The following STXBP2 variants were observed in gnomAD, a reference collection of about 807,000 sequenced individuals.
STXBP2 encodes syntaxin binding protein 2, also known as syntaxin-binding protein 2.
A neutral mutation model predicts 72.2 loss-of-function variants in STXBP2; 47 were observed. The ratio of observed to expected loss-of-function variants is 0.65; its 90% CI spans 0.51 to 0.83. STXBP2 has a LOEUF of 0.83. STXBP2 is among the 40% of genes least tolerant of loss of function. The pLI is 0.00. For missense variants in STXBP2, 702 were observed against 807.6 expected (o/e 0.87, Z 1.58); for synonymous variants, 367 against 338.7 (o/e 1.08, Z -0.92).
chr19:7,636,988 A>G, upstream of STXBP2: 4 of 683,708 alleles, frequency 5.9e-6, no homozygotes, highest in African/African-American at 1.9e-5. Context: ...CCCGCCAGGG[A>G]CTCAACTTCC....
chr19:7,645,178 G>A lies in STXBP2; in HGVS notation c.1247-19G>A, dbSNP rs2032082947. The A allele has an allele frequency of 6.4e-7, 1 of 1,553,002 alleles. No homozygotes were observed. Among genetic ancestry groups the A allele is most frequent in the South Asian group, 1.2e-5 (1 of 84,280 alleles). ...CTCACCTGGCCGCCGCCTCCACCCT[G>A]CCCATTCCCGTCCCCCAGGTGTGAG... is the stretch of plus-strand genomic sequence containing the variant. On this transcript the variant is annotated intron_variant, in intron 14 of 18. Coordinates refer to ENST00000221283, the MANE Select transcript of STXBP2 (RefSeq NM_006949.4).
Position 7,641,241 on chromosome 19 carries a change from G to GCA in STXBP2, c.429+240_429+241dup, listed in dbSNP as rs542656573. 63 of 578,524 alleles carry GCA rather than the reference G, an allele frequency of 1.1e-4. No homozygotes were observed. The South Asian group carries it at 1.1e-3, about 10-fold the overall frequency. 35.8% of individuals were successfully genotyped at this position (578,524 alleles called of 1,614,324 possible). On this transcript the variant is annotated intron_variant, in intron 6 of 18. Transcript: ENST00000221283. ...AGAAATTAGCTTGGCGTGGTGGCGT[G>GCA]CACCTGTAGTCCTAGCTACTCATGG... is the stretch of plus-strand genomic sequence containing the variant.
chr19:7,638,672 C>T (rs2031664054), intron 1 of STXBP2, 54 bp from the exon 2 acceptor site: 1 of 1,593,186 alleles, frequency 6.3e-7, no homozygotes, highest in African/African-American at 1.3e-5. Flanking sequence ...AGGCTTGGGG[C>T]AGTGGTGGGA....
At chr19:7,640,444 G>A (rs2031805692) in intron 4 of STXBP2, 6 of 653,934 alleles carry the variant, frequency 9.2e-6, no homozygotes, top group South Asian at 1.6e-5. Flanking sequence ...GTGTGTGCAT[G>A]TGTGTATGTA....
chr19:7,637,089 G>A (rs1388612525), upstream of STXBP2: 6 of 1,233,602 alleles, frequency 4.9e-6, no homozygotes, highest in African/African-American at 4.7e-5. Context: ...TGGGTGACGC[G>A]CGGGGCCACG....
In STXBP2 at chr19:7,642,956, C is replaced by T. The variant is rs946483426; in HGVS notation, c.961-27C>T. On this transcript the variant is annotated intron_variant, in intron 11 of 18. Transcript: ENST00000221283. The surrounding 1 kb of genome is among the most constrained non-coding windows in gnomAD (Gnocchi z 6.0). ...CACTGCCTGGCTTCGCCCCCCAATC[C>T]CTACCCTCTTCCCCCTACTTCCCCA... is the stretch of plus-strand genomic sequence containing the variant. 6.8e-6 allele frequency: 11 copies of T among 1,614,094 alleles called. No individual in the cohort carries two copies. The highest frequency in any genetic ancestry group is 3.3e-5 in the Admixed American group (2 of 60,028).
chr19:7,645,693 CAT>C, intron 15 of STXBP2, among the ~76,000 whole-genome samples: 1 of 152,040 alleles, frequency 6.6e-6, no homozygotes, highest in Admixed American at 6.5e-5. Context: ...CACACACAGC[CAT>C]GTGTGTGCTT....
the STXBP2 span, chr19:7,631,285 C>A: frequency 7.1e-7 from 1 of 1,413,252 alleles, no homozygotes; most frequent in Non-Finnish European, 9.2e-7. Context: ...ATTGCCTTCT[C>A]CTGGAAGAGT....
the STXBP2 span, chr19:7,630,565 C>A: frequency 6.5e-7 from 1 of 1,535,208 alleles, no homozygotes; most frequent in Non-Finnish European, 8.7e-7. Flanking sequence ...CACCCTCTGC[C>A]ATTCCAGATG....
the STXBP2 span, chr19:7,630,767 G>A: frequency 6.5e-7 from 1 of 1,536,832 alleles, no homozygotes; most frequent in South Asian, 1.2e-5. Flanking sequence ...ACCCTGCCCT[G>A]ATGTGGGGCT....
chr19:7,645,341 G>A, intron 15 of STXBP2, 35 bp downstream of exon 15: 1 of 1,544,872 alleles, frequency 6.5e-7, no homozygotes, highest in African/African-American at 1.4e-5. Flanking sequence ...GACCCTGGGA[G>A]AGGGTGCGGA....
In STXBP2 at chr19:7,642,680, C is replaced by T. The variant is rs2031942463; in HGVS notation, c.903-86C>T. On this transcript the variant is annotated intron_variant, in intron 10 of 18. Transcript: ENST00000221283. The surrounding 1 kb of genome is among the most constrained non-coding windows in gnomAD (Gnocchi z 6.0). Reference sequence around the variant, plus strand: ...CAGACTGGCCTCCAATTTCACCCCACCTCTCCCTGTCCCCCCTGAGTGGGC... The same window carrying T: ...CAGACTGGCCTCCAATTTCACCCCATCTCTCCCTGTCCCCCCTGAGTGGGC... The T allele has an allele frequency of 2.0e-6, 3 of 1,490,864 alleles. No individual in the cohort carries two copies. Among genetic ancestry groups the T allele is most frequent in the Non-Finnish European group, 2.8e-6 (3 of 1,075,302 alleles). 92.4% of individuals were successfully genotyped at this position (1,490,864 alleles called of 1,614,324 possible). A position where few individuals can be genotyped will look rare whatever the true frequency, so the allele number is the denominator to read the frequency against.
intron 15 of STXBP2, 120 bp from the exon 16 acceptor site, chr19:7,646,129 G>A: frequency 1.3e-6 from 1 of 752,654 alleles, no homozygotes; most frequent in Non-Finnish European, 2.3e-6. Flanking sequence ...CTCGCTCTCT[G>A]TTCCACTTCC....
chr19:7,647,696 A>G (rs1223601770), intron 18 of STXBP2, 29 bp from the exon 19 acceptor site: 2 of 1,612,704 alleles, frequency 1.2e-6, no homozygotes, highest in Non-Finnish European at 1.7e-6. Context: ...GCCCCCCAAC[A>G]TCTTCCCCAA....
At position 7,647,199 on chromosome 19, in the gene STXBP2, C is replaced by T. The variant is rs749174262; in HGVS notation, c.1490C>T (p.Pro497Leu). The change falls in exon 17 of 19, where the codon CCC becomes CTC. Residue 497 changes from proline to leucine, a missense_variant. By Grantham distance (98) the Pro-to-Leu change is moderately conservative. Coordinates refer to ENST00000221283, the MANE Select transcript of STXBP2 (RefSeq NM_006949.4). Reference sequence around the variant, plus strand: ...GACCGGCTGGACAGGAACCTGTGGCCCTTCGTATCCGACCCCGCCCCCACG... The same window carrying T: ...GACCGGCTGGACAGGAACCTGTGGCTCTTCGTATCCGACCCCGCCCCCACG... ...VEDRLDRNLW[P>L]FVSDPAPTAS... The T allele has an allele frequency of 6.2e-7, 1 of 1,612,050 alleles. No individual in the cohort carries two copies. Among genetic ancestry groups the T allele is most frequent in the South Asian group, 1.1e-5 (1 of 91,078 alleles).
At position 7,642,125 on chromosome 19, in the gene STXBP2, G is replaced by T. The variant is rs970556402; in HGVS notation, c.663+7G>T. 9.9e-6 allele frequency: 16 copies of T among 1,613,932 alleles called. No individual in the cohort carries two copies. Among genetic ancestry groups the T allele is most frequent in the African/African-American group, 4.0e-5 (3 of 74,898 alleles). On this transcript the variant is annotated splice_region_variant and intron_variant, in intron 8 of 18. Coordinates refer to ENST00000221283, the MANE Select transcript of STXBP2 (RefSeq NM_006949.4). The surrounding 1 kb of genome is among the most constrained non-coding windows in gnomAD (Gnocchi z 6.0). ...CACTCCCAGTCTGGGCGAGGTGAGG[G>T]GGCGTGCTTGGGAGGTGAGGGGCAG...
chr19:7,631,411 G>GCCCCGCCCCCCCCCCCCCC, the STXBP2 span: 1 of 886,152 alleles, frequency 1.1e-6, no homozygotes, highest in Non-Finnish European at 1.7e-6. Context: ...GGGGGGGGTG[G>GCCCCGCCCCCCCCCCCCCC]TCCCGGCTCT....
At chr19:7,647,034 G>A (rs2032161965) in intron 16 of STXBP2, 128 bp from the exon 17 acceptor site, 1 of 929,032 alleles carries the variant, frequency 1.1e-6, no homozygotes, top group African/African-American at 1.6e-5. Flanking sequence ...GGGTCCCCCA[G>A]AGGCAGGAGG....
chr19:7,646,390 TGGC>T, intron 16 of STXBP2, 46 bp downstream of exon 16: 1 of 1,538,766 alleles, frequency 6.5e-7, no homozygotes, highest in South Asian at 1.2e-5. Flanking sequence ...CCGCATCGGC[TGGC>T]GGCTCAGCCT....
Sources: allele counts gnomAD v4.1 joint callset (sites outside exome capture counted in the v4.1 genomes callset), GRCh38; gene constraint gnomAD v4.1.1; non-coding constraint Gnocchi (gnomAD v3.1); transcripts MANE v1.5; gene names NCBI Gene and HGNC (gene_info 2026-07-23, HGNC 2026-07-21).